FHIT: variants seen among roughly 807,000 people sequenced by gnomAD.
FHIT encodes the protein fragile histidine triad diadenosine triphosphatase.
A neutral mutation model predicts 17.9 loss-of-function variants in FHIT; 19 were observed. The ratio of observed to expected loss-of-function variants is 1.06; its 90% CI spans 0.74 to 1.56. The LOEUF is 1.56. Among genes scored for constraint, FHIT ranks in the 40% most tolerant of loss-of-function variants. The pLI, the probability that FHIT is intolerant of heterozygous loss-of-function variation, is 0.00. For missense variants in FHIT, 248 were observed against 189.2 expected (o/e 1.31, Z -1.82); for synonymous variants, 81 against 69.7 (o/e 1.16, Z -0.81).
At chr3:59,801,290 T>C (rs1381508891) in intron 8 of FHIT, among the ~76,000 whole-genome samples, 13 of 150,590 alleles carry the variant, frequency 8.6e-5, no homozygotes, top group Admixed American at 8.5e-4. Context: ...CCTAATGTAA[T>C]GATGGTAGGC....
chr3:61,109,264 C>T (rs548933954), intron 2 of FHIT, among the ~76,000 whole-genome samples: 101 of 152,270 alleles, frequency 6.6e-4, no homozygotes, highest in Non-Finnish European at 1.1e-3. Context: ...AAGAATAACC[C>T]TGTATGGCAG....
intron 5 of FHIT, among the ~76,000 whole-genome samples, chr3:60,432,036 C>T (rs573961403): frequency 9.2e-5 from 14 of 152,130 alleles, no homozygotes; most frequent in African/African-American, 1.9e-4. Context: ...AGTGCAGTAG[C>T]GCAATCTTGG....
intron 3 of FHIT, among the ~76,000 whole-genome samples, chr3:60,974,953 T>C (rs2107537718): frequency 6.6e-6 from 1 of 152,242 alleles, no homozygotes; most frequent in South Asian, 2.1e-4. Context: ...TACAGAAGTT[T>C]CCAAAAAAGA....
intron 4 of FHIT, among the ~76,000 whole-genome samples, chr3:60,702,245 G>A (rs544585936): frequency 9.9e-5 from 15 of 151,982 alleles, no homozygotes; most frequent in Admixed American, 2.6e-4. Flanking sequence ...AAATGTTCTC[G>A]TGGCTAACAA....
chr3:60,210,549 A>G (rs1703401129), intron 5 of FHIT, among the ~76,000 whole-genome samples: 1 of 152,106 alleles, frequency 6.6e-6, no homozygotes, highest in Admixed American at 6.6e-5. Flanking sequence ...CTGCAAAATC[A>G]GGAAAAAAAC....
At chr3:60,014,948 G>A (rs1700285052) in intron 5 of FHIT, among the ~76,000 whole-genome samples, 1 of 151,720 alleles carries the variant, frequency 6.6e-6, no homozygotes, top group Non-Finnish European at 1.5e-5. Flanking sequence ...CTTCTTGATA[G>A]GAAATTAATA....
chr3:60,529,274 A>T (rs751205459), intron 5 of FHIT, among the ~76,000 whole-genome samples: 2 of 152,190 alleles, frequency 1.3e-5, no homozygotes, highest in South Asian at 4.1e-4. Context: ...AGAGTTGAAC[A>T]CATATACGTA....
At position 60,209,290 on chromosome 3, in the gene FHIT, C is replaced by T. The variant is rs991557456; in HGVS notation, c.104-195138G>A. 2.6e-5 allele frequency among the ~76,000 whole-genome samples: 4 copies of T among 152,162 alleles called. 1 individual carries two copies. The highest frequency in any genetic ancestry group is 1.9e-4 in the East Asian group (1 of 5,190). On this transcript the variant is annotated intron_variant, in intron 5 of 9. Transcript: ENST00000492590. Reference sequence around the variant, plus strand: ...AGTAGTATTCCAACTCAGTGCTCTTCGGCAAGTATGTGCACAGCTATATTA... The same window carrying T: ...AGTAGTATTCCAACTCAGTGCTCTTTGGCAAGTATGTGCACAGCTATATTA...
rs532446733 is a variant in FHIT at position 60,314,133 on chromosome 3, T to C, written c.103+222727A>G. ...CATAAACATTTTCCCTTCAATCTCATATAAAGTCTTGCTGCGTAAATGCAG... is the reference window on the plus strand; with the variant it reads ...CATAAACATTTTCCCTTCAATCTCACATAAAGTCTTGCTGCGTAAATGCAG... On this transcript the variant is annotated intron_variant, in intron 5 of 9. Transcript: ENST00000492590. Among the ~76,000 whole-genome samples the C allele has an allele frequency of 5.9e-5, 9 of 152,268 alleles. No individual in the cohort carries two copies. In the East Asian group the frequency reaches 1.7e-3, roughly 29 times the overall value.
At chr3:59,824,150 T>C (rs1700895285) in intron 8 of FHIT, among the ~76,000 whole-genome samples, 1 of 151,638 alleles carries the variant, frequency 6.6e-6, no homozygotes, top group Admixed American at 6.6e-5. Flanking sequence ...GGTGAAAGAG[T>C]GTACAAGGAA....
intron 8 of FHIT, among the ~76,000 whole-genome samples, chr3:59,854,437 T>C (rs768321926): frequency 2.9e-4 from 44 of 152,190 alleles, no homozygotes; most frequent in Non-Finnish European, 4.9e-4. Flanking sequence ...GACTTTCCAA[T>C]GAGCATCCCA....
At chr3:61,139,731 T>C (rs28735912) in intron 2 of FHIT, among the ~76,000 whole-genome samples, 41,282 of 151,874 alleles carry the variant, frequency 0.27, 5,898 homozygotes, top group East Asian at 0.44. Context: ...ATGGTGAATC[T>C]TGGCTCATGT....
intron 5 of FHIT, among the ~76,000 whole-genome samples, chr3:60,400,522 G>C (rs970473131): frequency 2.0e-5 from 3 of 152,158 alleles, no homozygotes; most frequent in Non-Finnish European, 4.4e-5. Flanking sequence ...CCTTGGGTTA[G>C]TAGAGCACTG....
chr3:60,761,371 T>C (rs1337183675), intron 4 of FHIT, among the ~76,000 whole-genome samples: 1 of 152,172 alleles, frequency 6.6e-6, no homozygotes, highest in Non-Finnish European at 1.5e-5. Flanking sequence ...AGATAAAAAA[T>C]TATTTCTTTT....
intron 3 of FHIT, among the ~76,000 whole-genome samples, chr3:60,915,736 A>G (rs1559825761): frequency 6.6e-6 from 1 of 152,198 alleles, no homozygotes; most frequent in Non-Finnish European, 1.5e-5. Flanking sequence ...TATAAATGCC[A>G]TACCAAGAAA....
chr3:60,349,624 C>T (rs895684723), intron 5 of FHIT, among the ~76,000 whole-genome samples: 2 of 152,044 alleles, frequency 1.3e-5, no homozygotes, highest in African/African-American at 4.8e-5. Flanking sequence ...TACAAGCCTC[C>T]AAAGATAAAC....
intron 5 of FHIT, among the ~76,000 whole-genome samples, chr3:60,499,817 C>T (rs183552649): frequency 7.9e-5 from 12 of 152,168 alleles, no homozygotes; most frequent in African/African-American, 1.9e-4. Flanking sequence ...TCTTACAGCA[C>T]GTGTCACCGG....
intron 4 of FHIT, among the ~76,000 whole-genome samples, chr3:60,585,920 A>G (rs1362017679): frequency 2.0e-5 from 3 of 151,976 alleles, no homozygotes; most frequent in Admixed American, 2.0e-4. Context: ...CAGAGCCCTT[A>G]GTATATTAAT....
intron 5 of FHIT, among the ~76,000 whole-genome samples, chr3:60,511,423 G>T (rs544624299): frequency 3.3e-5 from 5 of 152,124 alleles, no homozygotes; most frequent in Non-Finnish European, 7.4e-5. Flanking sequence ...AAAATCTAAG[G>T]TATCTCTAAA....
Sources: gnomAD v4.1 joint callset for allele counts (sites outside exome capture counted in the v4.1 genomes callset) on GRCh38, gnomAD v4.1.1 for gene constraint, MANE v1.5 for transcripts, NCBI Gene and HGNC (gene_info 2026-07-23, HGNC 2026-07-21) for gene names.